EPS15: variants seen among roughly 807,000 people sequenced by gnomAD.
EPS15 encodes epidermal growth factor receptor pathway substrate 15.
EPS15 carries 72 observed loss-of-function variants against 113.8 expected under a neutral mutation model. The ratio of observed to expected loss-of-function variants is 0.63; its 90% confidence interval spans 0.52 to 0.77. The LOEUF is 0.77. EPS15 is among the 30% of genes least tolerant of loss of function. The probability of loss-of-function intolerance (pLI) is 0.00; values close to 1 mark genes in which losing one functional copy is unlikely to be tolerated. For missense variants in EPS15, 1,048 were observed against 1,045.8 expected (o/e 1.00, Z -0.03); for synonymous variants, 344 against 363.4 (o/e 0.95, Z 0.61).
rs150702264 is a variant in EPS15 at position 51,432,368 on chromosome 1, C to T, written c.1040+7979G>A. 1.4e-3 allele frequency among the ~76,000 whole-genome samples: 211 copies of T among 151,966 alleles called. 1 individual carries two copies. Among genetic ancestry groups the T allele is most frequent in the Middle Eastern group, 0.01 (3 of 294 alleles). ...TATGTATATATTTAATAGAGACTTG[C>T]TTTGTTGCCCAGGGTGATCTCAACT... On this transcript the variant is annotated intron_variant, in intron 12 of 24. Coordinates refer to ENST00000371733, the MANE Select transcript of EPS15 (RefSeq NM_001981.3).
At chr1:51,434,593 G>C (rs1651988983) in intron 12 of EPS15, among the ~76,000 whole-genome samples, 1 of 152,186 alleles carries the variant, frequency 6.6e-6, no homozygotes, top group Non-Finnish European at 1.5e-5. Flanking sequence ...ATTGTTTAAT[G>C]GGTATGGGGT....
At position 51,408,189 on chromosome 1, in the gene EPS15, A is replaced by C; in HGVS notation, c.1419T>G (p.Ala473=). ...GGTGCTGCTGAAGAGGTTCCAACTG[A>C]GCCTTCCCTGACTCTACACTCTCCT... ...ELEESVESGK[A]QLEPLQQHLQ... Residue 473 remains alanine (A), a synonymous_variant, in exon 15 of 25, where the codon GCT becomes GCG. Transcript: ENST00000371733. 6.2e-7 allele frequency: 1 copy of C among 1,614,114 alleles called. No individual in the cohort carries two copies. The highest frequency in any genetic ancestry group is 8.5e-7 in the Non-Finnish European group (1 of 1,179,994).
chr1:51,460,477 T>C (rs988980519), intron 8 of EPS15, among the ~76,000 whole-genome samples: 2 of 152,208 alleles, frequency 1.3e-5, no homozygotes, highest in African/African-American at 2.4e-5. Context: ...GAAGCAAAAT[T>C]ATTCCATATT....
intron 2 of EPS15, among the ~76,000 whole-genome samples, chr1:51,474,529 T>C (rs917886692): frequency 3.3e-5 from 5 of 152,176 alleles, no homozygotes; most frequent in African/African-American, 1.2e-4. Context: ...GAATGAACTG[T>C]TGAGGAAAAT....
At chr1:51,408,640 G>C (rs939981678) in intron 14 of EPS15, among the ~76,000 whole-genome samples, 1 of 151,624 alleles carries the variant, frequency 6.6e-6, no homozygotes, top group African/African-American at 2.4e-5. Context: ...TTATTTTTTT[G>C]AGACAGTCTC....
chr1:51,385,615 T>C (rs1647046625), intron 21 of EPS15, among the ~76,000 whole-genome samples: 1 of 152,216 alleles, frequency 6.6e-6, no homozygotes, highest in Non-Finnish European at 1.5e-5. Flanking sequence ...ACATTCACAG[T>C]AGCATTATGC....
chr1:51,363,720 A>G (rs1397228531), intron 23 of EPS15, 146 bp downstream of exon 23: 1 of 569,790 alleles, frequency 1.8e-6, no homozygotes, highest in Non-Finnish European at 2.9e-6. Flanking sequence ...TTCAGCAGTT[A>G]GGTCAGAATG....
At chr1:51,493,639 GAC>G (rs1032617422) in intron 1 of EPS15, among the ~76,000 whole-genome samples, 1 of 151,202 alleles carries the variant, frequency 6.6e-6, no homozygotes, top group African/African-American at 2.4e-5. Flanking sequence ...TGGATGGGAG[GAC>G]AGAGTCTCCC....
intron 1 of EPS15, among the ~76,000 whole-genome samples, chr1:51,481,595 C>T (rs531530672): frequency 6.6e-6 from 1 of 152,270 alleles, no homozygotes; most frequent in Admixed American, 6.5e-5. Context: ...TACCCAGAAA[C>T]CCAATATGTA....
chr1:51,512,798 A>AAC (rs769579896), intron 1 of EPS15, among the ~76,000 whole-genome samples: 5 of 149,130 alleles, frequency 3.4e-5, no homozygotes, highest in Non-Finnish European at 5.9e-5. Context: ...GACACTCTCA[A>AAC]ACATGTGTGC....
rs539527715 is a variant in EPS15 at position 51,388,389 on chromosome 1, C to T, written c.2119+5992G>A. On this transcript the variant is annotated intron_variant, in intron 21 of 24. Transcript: ENST00000371733. ...AGCAGGAAAGATCCAAAATTGACAC[C>T]CTAACATCACAATTAAAAGAATTAG... is the stretch of plus-strand genomic sequence containing the variant. Among the ~76,000 whole-genome samples, 417 of 152,084 alleles carry T rather than the reference C, an allele frequency of 2.7e-3. 2 individuals are homozygous for T. The highest frequency in any genetic ancestry group is 5.0e-3 in the Admixed American group (77 of 15,276).
Position 51,402,456 on chromosome 1 carries a change from G to A in EPS15, c.1861C>T (p.Gln621Ter). 1 of 1,580,836 alleles carries A rather than the reference G, an allele frequency of 6.3e-7. No homozygotes were observed. The highest frequency in any genetic ancestry group is 8.6e-7 in the Non-Finnish European group (1 of 1,157,850). Residue 621 changes from glutamine (Q) to a stop codon, truncating the protein, a stop_gained, in exon 18 of 25, where the codon CAG becomes TAG. Coordinates refer to ENST00000371733, the MANE Select transcript of EPS15 (RefSeq NM_001981.3). LOFTEE classifies it high-confidence loss of function. ...TTACTGCCAACAAAAGGATCAGACTGGAAAAAATCCAAGTTTGTATCTGCA... is the reference window on the plus strand; with the variant it reads ...TTACTGCCAACAAAAGGATCAGACTAGAAAAAATCCAAGTTTGTATCTGCA... Reference protein sequence around the residue: ...PVADTNLDFFQSDPFVGSDPF... With the variant: ...PVADTNLDFF
rs1557758330 is a variant in EPS15, at chr1:51,354,876, AT to A, written c.*1823del. Reference sequence around the variant, plus strand: ...ATTTAATATTTGAGTTTAATTGAAAATTTTTTTGAAGCATTTAAACATTTGC... The same window carrying A: ...ATTTAATATTTGAGTTTAATTGAAAATTTTTTGAAGCATTTAAACATTTGC... On this transcript the variant is annotated 3_prime_UTR_variant, in exon 25 of 25. Transcript: ENST00000371733. 4.9e-6 allele frequency: 1 copy of A among 202,206 alleles called. No homozygotes were observed. Among genetic ancestry groups the A allele is most frequent in the East Asian group, 7.6e-5 (1 of 13,092 alleles). 12.5% of individuals were successfully genotyped at this position (202,206 alleles called of 1,614,324 possible). A position where few individuals can be genotyped will look rare whatever the true frequency, so the allele number is the denominator to read the frequency against.
intron 13 of EPS15, among the ~76,000 whole-genome samples, chr1:51,410,228 C>CAA (rs556314251): frequency 0.033 from 4,677 of 140,240 alleles, 116 homozygotes; most frequent in Non-Finnish European, 0.052. Flanking sequence ...AACTCCATCT[C>CAA]AAAAAAAAAA....
chr1:51,439,635 T>C (rs1030185109), intron 12 of EPS15, among the ~76,000 whole-genome samples: 2 of 152,104 alleles, frequency 1.3e-5, no homozygotes, highest in Non-Finnish European at 2.9e-5. Context: ...GTACCAATAA[T>C]ATCTGCTATA....
At chr1:51,393,087 T>C (rs564420230) in intron 21 of EPS15, among the ~76,000 whole-genome samples, 58 of 152,348 alleles carry the variant, frequency 3.8e-4, no homozygotes, top group African/African-American at 1.3e-3. Flanking sequence ...ATTTTCTACA[T>C]ATCTCCTTTT....
intron 1 of EPS15, among the ~76,000 whole-genome samples, chr1:51,488,472 TAAAAAAAAAA>T (rs71063033): frequency 7.0e-5 from 6 of 85,312 alleles, no homozygotes; most frequent in South Asian, 4.0e-4. Context: ...TAAAGTTTTG[TAAAAAAAAAA>T]AAAAAAAAAA....
intron 1 of EPS15, among the ~76,000 whole-genome samples, chr1:51,487,108 CTG>C (rs1209585565): frequency 1.3e-5 from 2 of 152,064 alleles, no homozygotes; most frequent in African/African-American, 4.8e-5. Flanking sequence ...GAAGCATCAA[CTG>C]TAGAAGTTAA....
intron 2 of EPS15, among the ~76,000 whole-genome samples, chr1:51,480,572 T>C (rs1272577796): frequency 6.6e-6 from 1 of 152,226 alleles, no homozygotes; most frequent in Non-Finnish European, 1.5e-5. Context: ...TGGAGTGCAA[T>C]GGCACGATCT....
Sources: gnomAD v4.1 joint callset for allele counts (sites outside exome capture counted in the v4.1 genomes callset) on GRCh38, gnomAD v4.1.1 for gene constraint, MANE v1.5 for transcripts, NCBI Gene and HGNC (gene_info 2026-07-23, HGNC 2026-07-21) for gene names.